The following FOLH1 variants were observed in gnomAD, a reference collection of about 807,000 sequenced individuals.
FOLH1 encodes the protein folate hydrolase 1, also known as glutamate carboxypeptidase 2.
In FOLH1, 54 loss-of-function variants were observed where a neutral mutation model predicts 93.9. That is an observed-to-expected ratio of 0.57 (90% CI 0.46 to 0.72). The LOEUF is 0.72. FOLH1 is among the 30% of genes least tolerant of loss of function. The probability of loss-of-function intolerance (pLI) is 0.00; values close to 1 mark genes in which losing one functional copy is unlikely to be tolerated. For missense variants in FOLH1, 571 were observed against 892.5 expected (o/e 0.64, Z 4.59); for synonymous variants, 249 against 303.6 (o/e 0.82, Z 1.87).
chr11:49,200,508 A>G, intron 2 of FOLH1, 67 bp from the exon 3 acceptor site: 1 of 1,540,606 alleles, frequency 6.5e-7, no homozygotes, highest in Non-Finnish European at 8.9e-7. Context: ...AAATCAACAA[A>G]GTAAAGCAGA....
At chr11:49,183,886 A>G (rs1861074902) in intron 6 of FOLH1, among the ~76,000 whole-genome samples, 1 of 152,114 alleles carries the variant, frequency 6.6e-6, no homozygotes, top group African/African-American at 2.4e-5. Context: ...AAGGGGTACA[A>G]AAGAACTTTC....
intron 10 of FOLH1, among the ~76,000 whole-genome samples, chr11:49,172,710 G>C (rs112461370): frequency 6.6e-6 from 1 of 152,110 alleles, no homozygotes; most frequent in Admixed American, 6.6e-5. Flanking sequence ...GGTCAATAAA[G>C]AGAATGAACT....
At chr11:49,163,977 T>C (rs1410909331) in intron 13 of FOLH1, among the ~76,000 whole-genome samples, 2 of 152,194 alleles carry the variant, frequency 1.3e-5, no homozygotes, top group Admixed American at 1.3e-4. Flanking sequence ...GCCATCGTCC[T>C]GCCTTGCTTT....
rs1861697776 is a variant in FOLH1 at position 49,188,728 on chromosome 11, A to T, written c.514-1959T>A. Among the ~76,000 whole-genome samples the T allele has an allele frequency of 3.9e-5, 6 of 152,312 alleles. No homozygotes were observed. The South Asian group carries it at 1.2e-3, about 32-fold the overall frequency. On this transcript the variant is annotated intron_variant, in intron 4 of 18. Coordinates refer to ENST00000256999, the MANE Select transcript of FOLH1 (RefSeq NM_004476.3). ...TTATTGCTAGAATGAGACTGGGATCAGCAACAACAGTTCAATTTACATTTC... is the reference window on the plus strand; with the variant it reads ...TTATTGCTAGAATGAGACTGGGATCTGCAACAACAGTTCAATTTACATTTC...
chr11:49,180,370 G>A (rs527786218), intron 7 of FOLH1, among the ~76,000 whole-genome samples: 1 of 152,152 alleles, frequency 6.6e-6, no homozygotes, highest in African/African-American at 2.4e-5. Flanking sequence ...ACTGTGTTCA[G>A]GGTACATGTA....
At chr11:49,187,955 C>T (rs1262700963) in intron 4 of FOLH1, among the ~76,000 whole-genome samples, 1 of 152,218 alleles carries the variant, frequency 6.6e-6, no homozygotes, top group Admixed American at 6.5e-5. Context: ...CCAAGGCTAT[C>T]CTTCAGCTGG....
chr11:49,185,310 C>T (rs1861237947), intron 6 of FOLH1, among the ~76,000 whole-genome samples: 1 of 152,096 alleles, frequency 6.6e-6, no homozygotes, highest in African/African-American at 2.4e-5. Context: ...TCCCCGCCCC[C>T]CACTTACTAC....
rs1420896983 is a variant in FOLH1, at chr11:49,173,364, TTTCA to T, written c.1214_1217del (p.Leu405GlnfsTer51). The T allele has an allele frequency of 6.2e-7, 1 of 1,609,748 alleles. No homozygotes were observed. Among genetic ancestry groups the T allele is most frequent in the Non-Finnish European group, 8.5e-7 (1 of 1,177,316 alleles). ...GCTGTTTGTTTGTATTACCTTCCTT[TTTCA>T]GTGTTCCAAAGCTCCTCACAATTTC... On this transcript the variant is annotated frameshift_variant, in exon 10 of 19. Transcript: ENST00000256999. LOFTEE classifies it high-confidence loss of function.
In FOLH1 at chr11:49,182,856, T is replaced by C. The variant is rs569048881; in HGVS notation, c.920+293A>G. Among the ~76,000 whole-genome samples the C allele has an allele frequency of 2.6e-5, 4 of 152,234 alleles. No homozygotes were observed. In the East Asian group the frequency reaches 7.7e-4, roughly 29 times the overall value. On this transcript the variant is annotated intron_variant, in intron 7 of 18. Coordinates refer to ENST00000256999, the MANE Select transcript of FOLH1 (RefSeq NM_004476.3). ...GAGAACACCTACAGGAAGCATGGTC[T>C]TGACAAAAATATAGTGGGGTTTCAA...
At chr11:49,193,517 C>A (rs1419658455) in intron 3 of FOLH1, among the ~76,000 whole-genome samples, 2 of 151,826 alleles carry the variant, frequency 1.3e-5, no homozygotes, top group African/African-American at 4.8e-5. Context: ...TACCTAGGAA[C>A]AAATTAAATA....
intron 6 of FOLH1, among the ~76,000 whole-genome samples, chr11:49,185,151 A>G (rs1305786025): frequency 6.6e-6 from 1 of 152,168 alleles, no homozygotes; most frequent in East Asian, 1.9e-4. Flanking sequence ...TAAAAAGTTT[A>G]TGGAACTTCT....
chr11:49,206,063 T>A lies in FOLH1; in HGVS notation c.224+4A>T. On this transcript the variant is annotated splice_donor_region_variant and intron_variant, in intron 2 of 18. Coordinates refer to ENST00000256999, the MANE Select transcript of FOLH1 (RefSeq NM_004476.3). Reference sequence around the variant, plus strand: ...TCCATATAAACTTTCGAGGATGTACTTACTATAAGAACTTCTTGATGTTCT... The same window carrying A: ...TCCATATAAACTTTCGAGGATGTACATACTATAAGAACTTCTTGATGTTCT... 1 of 1,608,578 alleles carries A rather than the reference T, an allele frequency of 6.2e-7. No individual in the cohort carries two copies. Among genetic ancestry groups the A allele is most frequent in the Non-Finnish European group, 8.5e-7 (1 of 1,177,620 alleles).
At chr11:49,207,405 G>C (rs1864098799) in intron 1 of FOLH1, among the ~76,000 whole-genome samples, 1 of 152,248 alleles carries the variant, frequency 6.6e-6, no homozygotes, top group Non-Finnish European at 1.5e-5. Context: ...GGTGAAGCTA[G>C]TGGAAGATAT....
chr11:49,182,725 G>C (rs1178946688), intron 7 of FOLH1, among the ~76,000 whole-genome samples: 1 of 152,206 alleles, frequency 6.6e-6, no homozygotes, highest in Admixed American at 6.5e-5. Flanking sequence ...ATCTATTTAA[G>C]CGAGGCTATC....
rs116391467 is a variant in FOLH1, at chr11:49,186,267, T to C, written c.639+377A>G. On this transcript the variant is annotated intron_variant, in intron 5 of 18. Transcript: ENST00000256999. Reference sequence around the variant, plus strand: ...TTTTAAATTTGCTATGTGTAAATTGTTTTCCCTCATTATTTATAACAATTC... The same window carrying C: ...TTTTAAATTTGCTATGTGTAAATTGCTTTCCCTCATTATTTATAACAATTC... Among the ~76,000 whole-genome samples the C allele has an allele frequency of 5.9e-3, 894 of 152,350 alleles. 12 individuals carry two copies. The highest frequency in any genetic ancestry group is 0.021 in the African/African-American group (855 of 41,566).
Position 49,192,790 on chromosome 11 carries a change from T to C in FOLH1, c.513+3A>G. 1 of 1,599,466 alleles carries C rather than the reference T, an allele frequency of 6.3e-7. No individual in the cohort carries two copies. ...ATTTTTATTTGTTGCACTGTGTTTT[T>C]ACCTCTGGCATTCCTTGAGGAGAGA... On this transcript the variant is annotated splice_donor_region_variant and intron_variant, in intron 4 of 18. Transcript: ENST00000256999.
At chr11:49,157,890 G>A (rs1857192532) in intron 14 of FOLH1, 62 bp downstream of exon 14, 5 of 1,410,178 alleles carry the variant, frequency 3.5e-6, no homozygotes, top group Middle Eastern at 1.9e-4. Flanking sequence ...GAAAGAAAAT[G>A]TGCTTTTATT....
In FOLH1 at chr11:49,146,284, G is replaced by A. The variant is rs752642186; in HGVS notation, c.*472C>T. 3.3e-5 allele frequency among the ~76,000 whole-genome samples: 5 copies of A among 152,166 alleles called. No homozygotes were observed. The highest frequency in any genetic ancestry group is 7.3e-5 in the Non-Finnish European group (5 of 68,028). ...TATAGAGTGATAACATTTACTAAAA[G>A]TGTGATTTGATCCATTTCCCAAATA... On this transcript the variant is annotated 3_prime_UTR_variant, in exon 19 of 19. Coordinates refer to ENST00000256999, the MANE Select transcript of FOLH1 (RefSeq NM_004476.3).
chr11:49,182,065 A>C (rs1248761551), intron 7 of FOLH1, among the ~76,000 whole-genome samples: 3 of 152,102 alleles, frequency 2.0e-5, no homozygotes, highest in African/African-American at 4.8e-5. Flanking sequence ...GCAGTGCCTC[A>C]TGCCTGTAAT....
Sources: gnomAD v4.1 joint callset for allele counts (sites outside exome capture counted in the v4.1 genomes callset) on GRCh38, gnomAD v4.1.1 for gene constraint, MANE v1.5 for transcripts, NCBI Gene and HGNC (gene_info 2026-07-23, HGNC 2026-07-21) for gene names.